DSCAM: variants seen among roughly 807,000 people sequenced by gnomAD.
DSCAM encodes DS cell adhesion molecule.
DSCAM carries 47 observed loss-of-function variants against 217.7 expected under a neutral mutation model. That is an observed-to-expected ratio of 0.22 (90% confidence interval 0.17 to 0.28). The LOEUF is 0.28. Among genes scored for constraint, DSCAM ranks in the 10% least tolerant of loss-of-function variants. DSCAM has a pLI of 1.00. For missense variants in DSCAM, 2,080 were observed against 2,618.3 expected, an observed-to-expected ratio of 0.79 and a Z score of 4.49; for synonymous variants, 1,056 against 1,015.3, an observed-to-expected ratio of 1.04 and a Z score of -0.76.
chr21:40,402,650 C>G (rs573643190), intron 3 of DSCAM, among the ~76,000 whole-genome samples: 8 of 150,358 alleles, frequency 5.3e-5, no homozygotes, highest in Middle Eastern at 3.4e-3. Context: ...GCACTTAACT[C>G]AAAATTGACA....
At chr21:40,600,172 A>G (rs1360719401) in intron 3 of DSCAM, among the ~76,000 whole-genome samples, 2 of 152,234 alleles carry the variant, frequency 1.3e-5, no homozygotes, top group Non-Finnish European at 2.9e-5. Context: ...AAGTTTTTAA[A>G]TTGAAGGAAG....
chr21:40,114,583 A>T (rs1038285076), intron 20 of DSCAM, among the ~76,000 whole-genome samples: 2 of 152,174 alleles, frequency 1.3e-5, no homozygotes, highest in African/African-American at 4.8e-5. Flanking sequence ...TAAACTAAAG[A>T]GCTTCTGCAC....
At chr21:40,519,837 T>G (rs2076344289) in intron 3 of DSCAM, among the ~76,000 whole-genome samples, 1 of 144,756 alleles carries the variant, frequency 6.9e-6, no homozygotes, top group South Asian at 2.3e-4. Context: ...TCTCTCTCAC[T>G]CTCTCTCTCT....
chr21:40,556,703 G>A (rs2076674688), intron 3 of DSCAM, among the ~76,000 whole-genome samples: 1 of 152,098 alleles, frequency 6.6e-6, no homozygotes, highest in African/African-American at 2.4e-5. Context: ...CAGCTCTGGA[G>A]GGAGCTCACA....
At chr21:40,302,163 AGTTT>A (rs1237920584) in intron 9 of DSCAM, among the ~76,000 whole-genome samples, 2 of 152,108 alleles carry the variant, frequency 1.3e-5, no homozygotes, top group African/African-American at 4.8e-5. Flanking sequence ...TTGCCAATAT[AGTTT>A]GTTTTCCAAT....
intron 28 of DSCAM, among the ~76,000 whole-genome samples, chr21:40,058,528 G>T (rs781369251): frequency 3.9e-5 from 6 of 152,134 alleles, no homozygotes; most frequent in Non-Finnish European, 7.3e-5. Flanking sequence ...GGCCAAAGTA[G>T]GTGCTCAATA....
intron 3 of DSCAM, among the ~76,000 whole-genome samples, chr21:40,640,029 A>G (rs1436449963): frequency 6.6e-6 from 1 of 152,190 alleles, no homozygotes; most frequent in East Asian, 1.9e-4. Context: ...AGCGCCATGC[A>G]CAGAATTGAT....
chr21:40,810,364 AGGG>A (rs1223053821), intron 1 of DSCAM, among the ~76,000 whole-genome samples: 1 of 152,194 alleles, frequency 6.6e-6, no homozygotes, highest in African/African-American at 2.4e-5. Flanking sequence ...TTTGCTGAAA[AGGG>A]GGAGAGAAGT....
chr21:40,584,676 G>C (rs901674056), intron 3 of DSCAM, among the ~76,000 whole-genome samples: 3 of 152,126 alleles, frequency 2.0e-5, no homozygotes, highest in Admixed American at 6.5e-5. Context: ...AAGCCCTGAA[G>C]AGCTCTGCAC....
chr21:40,051,402 T>C (rs1225595661), intron 30 of DSCAM, among the ~76,000 whole-genome samples: 1 of 152,260 alleles, frequency 6.6e-6, no homozygotes, highest in Non-Finnish European at 1.5e-5. Flanking sequence ...ACTAGAATTA[T>C]AATTTTTCTC....
chr21:40,479,056 G>A (rs2075960728), intron 3 of DSCAM, among the ~76,000 whole-genome samples: 1 of 152,184 alleles, frequency 6.6e-6, no homozygotes. Flanking sequence ...AGATAAGGGG[G>A]AAGAATGCTG....
intron 3 of DSCAM, among the ~76,000 whole-genome samples, chr21:40,460,238 T>C (rs2075795784): frequency 6.6e-6 from 1 of 152,034 alleles, no homozygotes; most frequent in South Asian, 2.1e-4. Context: ...TATTTACCTA[T>C]GTAACAAACC....
At chr21:40,241,295 AAAAC>A (rs1601474596) in intron 11 of DSCAM, among the ~76,000 whole-genome samples, 1 of 152,336 alleles carries the variant, frequency 6.6e-6, no homozygotes, top group Admixed American at 6.5e-5. Context: ...TTACAAGGGA[AAAAC>A]AAACAACCCC....
At chr21:40,629,169 T>C (rs1434417488) in intron 3 of DSCAM, among the ~76,000 whole-genome samples, 2 of 151,964 alleles carry the variant, frequency 1.3e-5, no homozygotes, top group African/African-American at 4.8e-5. Context: ...CTACTTCTTG[T>C]CCTATAAAAT....
At chr21:40,779,855 G>A (rs1421979411) in intron 1 of DSCAM, among the ~76,000 whole-genome samples, 1 of 152,204 alleles carries the variant, frequency 6.6e-6, no homozygotes, top group Admixed American at 6.5e-5. Flanking sequence ...AGGGCTGGGT[G>A]GGGTAAGGAA....
intron 3 of DSCAM, among the ~76,000 whole-genome samples, chr21:40,391,166 A>C (rs952841959): frequency 6.6e-6 from 1 of 152,236 alleles, no homozygotes; most frequent in Non-Finnish European, 1.5e-5. Context: ...AATATAAATA[A>C]TATTCACAAA....
At chr21:40,106,013 C>T (rs1052297425) in intron 20 of DSCAM, among the ~76,000 whole-genome samples, 8 of 152,042 alleles carry the variant, frequency 5.3e-5, no homozygotes, top group African/African-American at 1.9e-4. Context: ...GAAGAAATAC[C>T]AGAGACTGTG....
chr21:40,227,113 T>C (rs886679200), intron 11 of DSCAM, among the ~76,000 whole-genome samples: 4 of 152,190 alleles, frequency 2.6e-5, no homozygotes, highest in African/African-American at 4.8e-5. Context: ...TATTTCATGA[T>C]ATATGTACCA....
At position 40,347,737 on chromosome 21, in the gene DSCAM, GC is replaced by G; in HGVS notation, c.1142del (p.Gly381AlafsTer38). The G allele has an allele frequency of 6.2e-7, 1 of 1,614,160 alleles. No homozygotes were observed. The highest frequency in any genetic ancestry group is 8.5e-7 in the Non-Finnish European group (1 of 1,180,018). On this transcript the variant is annotated frameshift_variant, in exon 6 of 33. Transcript: ENST00000400454. LOFTEE classifies it high-confidence loss of function. ...IMDHMVKSDG[G>X]AYQCFVRKDK... ...CCTTGCGCACAAAGCACTGGTATGCGCCCCCGTCACTTTTGACCATGTGATC... is the reference window on the plus strand; with the variant it reads ...CCTTGCGCACAAAGCACTGGTATGCGCCCCGTCACTTTTGACCATGTGATC...
Sources: gnomAD v4.1 joint callset for allele counts (sites outside exome capture counted in the v4.1 genomes callset) on GRCh38, gnomAD v4.1.1 for gene constraint, MANE v1.5 for transcripts, NCBI Gene and HGNC (gene_info 2026-07-23, HGNC 2026-07-21) for gene names.